PPP1R12A: variants seen among roughly 807,000 people sequenced by gnomAD.
PPP1R12A encodes the protein protein phosphatase 1 regulatory subunit 12A, also known as myosin binding subunit.
A neutral mutation model predicts 139.6 loss-of-function variants in PPP1R12A; 19 were observed. The observed-to-expected ratio is 0.14, with a 90% CI of 0.09 to 0.20. The LOEUF is 0.20. PPP1R12A is among the 10% of genes least tolerant of loss of function. The pLI is 1.00. For missense variants in PPP1R12A, 925 were observed against 1,211.5 expected, an observed-to-expected ratio of 0.76 and a Z score of 3.51; for synonymous variants, 427 against 420.6, an observed-to-expected ratio of 1.02 and a Z score of -0.19.
chr12:79,793,781 G>T, intron 19 of PPP1R12A, 82 bp downstream of exon 19: 2 of 1,099,280 alleles, frequency 1.8e-6, no homozygotes, highest in South Asian at 2.9e-5. Flanking sequence ...TGCTTTGCAT[G>T]AATAAACATA....
chr12:79,796,996 T>C, intron 16 of PPP1R12A, 46 bp from the exon 17 acceptor site: 1 of 1,531,696 alleles, frequency 6.5e-7, no homozygotes, highest in Non-Finnish European at 8.8e-7. Context: ...TTAAACACAA[T>C]TAAAAACATA....
chr12:79,912,577 C>T (rs1437055130), intron 1 of PPP1R12A, among the ~76,000 whole-genome samples: 1 of 151,906 alleles, frequency 6.6e-6, no homozygotes, highest in Non-Finnish European at 1.5e-5. Flanking sequence ...ACCTGCAGTC[C>T]CAACTACTCA....
intron 18 of PPP1R12A, among the ~76,000 whole-genome samples, chr12:79,795,061 C>T (rs9783424): frequency 0.63 from 95,859 of 151,888 alleles, 37,424 homozygotes; most frequent in Non-Finnish European, 0.88. Flanking sequence ...TGTGCTAATC[C>T]ATTAAGCTAT....
At chr12:79,795,598 C>G in intron 18 of PPP1R12A, 40 bp downstream of exon 18, 1 of 1,571,800 alleles carries the variant, frequency 6.4e-7, no homozygotes, top group Non-Finnish European at 8.7e-7. Context: ...AGAATACTAT[C>G]AAGAATACTA....
Position 79,790,505 on chromosome 12 carries a change from T to C in PPP1R12A, c.2650-22A>G, listed in dbSNP as rs1426624841. ...CCGTCTGGAAAGAAAGAGAAAAACATAGGCATACTAAATTTTTATGCTTTC... is the reference window on the plus strand; with the variant it reads ...CCGTCTGGAAAGAAAGAGAAAAACACAGGCATACTAAATTTTTATGCTTTC... On this transcript the variant is annotated intron_variant, in intron 19 of 24. Transcript: ENST00000450142. 3.6e-6 allele frequency: 5 copies of C among 1,377,080 alleles called. No homozygotes were observed. The African/African-American group carries it at 4.4e-5, about 12-fold the overall frequency. 85.3% of individuals were successfully genotyped at this position (1,377,080 alleles called of 1,614,324 possible). A position where few individuals can be genotyped will look rare whatever the true frequency, so the allele number is the denominator to read the frequency against.
At chr12:79,934,639 C>A in intron 1 of PPP1R12A, 56 bp downstream of exon 1, 4 of 1,439,270 alleles carry the variant, frequency 2.8e-6, no homozygotes, top group Non-Finnish European at 3.7e-6. Context: ...CAGGCCCGAG[C>A]AGGAGGCCGA....
In PPP1R12A at chr12:79,796,771, G is replaced by A; in HGVS notation, c.2461+11C>T. On this transcript the variant is annotated intron_variant, in intron 17 of 24. Transcript: ENST00000450142. ...AGAAAGCAAAGTGTTTTCAAAATTTGGTATTCTTACCTCTTTCATTTTCTT... is the reference window on the plus strand; with the variant it reads ...AGAAAGCAAAGTGTTTTCAAAATTTAGTATTCTTACCTCTTTCATTTTCTT... The A allele has an allele frequency of 1.3e-6, 2 of 1,574,254 alleles. No homozygotes were observed. The highest frequency in any genetic ancestry group is 1.7e-6 in the Non-Finnish European group (2 of 1,153,026).
intron 19 of PPP1R12A, 70 bp from the exon 20 acceptor site, chr12:79,790,553 A>G (rs762188425): frequency 3.3e-5 from 37 of 1,134,690 alleles, no homozygotes; most frequent in Admixed American, 6.1e-5. Context: ...ACCTATGATT[A>G]TAAGTAAATT....
At chr12:79,875,053 C>T (rs572285981) in intron 1 of PPP1R12A, among the ~76,000 whole-genome samples, 310 of 152,240 alleles carry the variant, frequency 2.0e-3, no homozygotes, top group Non-Finnish European at 3.1e-3. Flanking sequence ...ATCACATTAT[C>T]AATAATATCA....
rs11351562 is a variant in PPP1R12A, at chr12:79,774,634, TA to T, written c.*1294del. On this transcript the variant is annotated 3_prime_UTR_variant, in exon 25 of 25. Coordinates refer to ENST00000450142, the MANE Select transcript of PPP1R12A (RefSeq NM_002480.3). ...ACTTGGTTTTGCGCTTTTTTTTCCT[TA>T]AAAAAAAAAAAAGGCCACTGAAATG... 0.88 allele frequency: 127,452 copies of T among 145,516 alleles called. 56,142 individuals carry two copies. Among genetic ancestry groups the T allele is most frequent in the Non-Finnish European group, 0.93 (61,720 of 66,062 alleles). The allele number at this position is 145,516 out of a possible 1,614,324, so 9.0% of individuals were successfully genotyped here.
intron 5 of PPP1R12A, among the ~76,000 whole-genome samples, chr12:79,826,565 A>G (rs749405172): frequency 6.6e-6 from 1 of 152,142 alleles, no homozygotes; most frequent in Non-Finnish European, 1.5e-5. Context: ...TAAGGAGTAA[A>G]TAAAATTTAG....
At chr12:79,830,534 A>G (rs960577680) in intron 4 of PPP1R12A, among the ~76,000 whole-genome samples, 3 of 152,210 alleles carry the variant, frequency 2.0e-5, no homozygotes, top group African/African-American at 7.2e-5. Flanking sequence ...GAACTAAAGA[A>G]TAACTGTTAC....
At chr12:79,841,919 T>C (rs190489327) in intron 3 of PPP1R12A, among the ~76,000 whole-genome samples, 1 of 152,070 alleles carries the variant, frequency 6.6e-6, no homozygotes, top group Non-Finnish European at 1.5e-5. Context: ...GCATTTCTTG[T>C]TTTTTTTAGG....
chr12:79,777,627 T>C, intron 24 of PPP1R12A: 1 of 985,262 alleles, frequency 1.0e-6, no homozygotes, highest in African/African-American at 1.7e-5. Context: ...CCTCAGAGAT[T>C]GAATTTGCTT....
At position 79,900,907 on chromosome 12, in the gene PPP1R12A, C is replaced by T. The variant is rs540468753; in HGVS notation, c.238-27969G>A. On this transcript the variant is annotated intron_variant, in intron 1 of 24. Coordinates refer to ENST00000450142, the MANE Select transcript of PPP1R12A (RefSeq NM_002480.3). Reference sequence around the variant, plus strand: ...CCAAGTGTCCATTCTCTTCAAGGCCCGAAGATGAAGTCCTTGAAACAGGTT... The same window carrying T: ...CCAAGTGTCCATTCTCTTCAAGGCCTGAAGATGAAGTCCTTGAAACAGGTT... Among the ~76,000 whole-genome samples, 28 of 152,200 alleles carry T rather than the reference C, an allele frequency of 1.8e-4. 2 individuals are homozygous for T. The South Asian group carries it at 4.3e-3, about 24-fold the overall frequency.
At chr12:79,929,781 AG>A (rs1293888511) in intron 1 of PPP1R12A, among the ~76,000 whole-genome samples, 1 of 152,108 alleles carries the variant, frequency 6.6e-6, no homozygotes, top group Admixed American at 6.5e-5. Context: ...AAAAAAAAAA[AG>A]ATTTTTTTAA....
chr12:79,924,440 A>T (rs1341956098), intron 1 of PPP1R12A, among the ~76,000 whole-genome samples: 2 of 152,118 alleles, frequency 1.3e-5, no homozygotes, highest in African/African-American at 4.8e-5. Flanking sequence ...ACCTTTTTTT[A>T]AAATGTGAGA....
chr12:79,934,506 GCCT>G (rs1888517682), intron 1 of PPP1R12A, among the ~76,000 whole-genome samples, 186 bp downstream of exon 1: 1 of 152,182 alleles, frequency 6.6e-6, no homozygotes, highest in African/African-American at 2.4e-5. Context: ...CTGAAGGGGG[GCCT>G]CAAGCCCAGC....
rs551723335 is a variant in PPP1R12A, at chr12:79,883,481, T to C, written c.238-10543A>G. Among the ~76,000 whole-genome samples, 248 of 152,138 alleles carry C rather than the reference T, an allele frequency of 1.6e-3. 1 individual carries two copies. Among genetic ancestry groups the C allele is most frequent in the South Asian group, 6.8e-3 (33 of 4,824 alleles). ...TTAGGAGGAAATGTTCAAGGTTTAATGAAAGATATGAAGAGTTAAGATGCA... is the reference window on the plus strand; with the variant it reads ...TTAGGAGGAAATGTTCAAGGTTTAACGAAAGATATGAAGAGTTAAGATGCA... On this transcript the variant is annotated intron_variant, in intron 1 of 24. Transcript: ENST00000450142.
Sources: gnomAD v4.1 joint callset for allele counts (sites outside exome capture counted in the v4.1 genomes callset) on GRCh38, gnomAD v4.1.1 for gene constraint, MANE v1.5 for transcripts, NCBI Gene and HGNC (gene_info 2026-07-23, HGNC 2026-07-21) for gene names.